ADAMTSL1: variants seen among roughly 807,000 people sequenced by gnomAD.
The protein encoded by ADAMTSL1 is ADAMTS-like protein 1.
Under a neutral mutation model 201.8 loss-of-function variants are expected in ADAMTSL1, and 126 were observed. The observed-to-expected ratio is 0.62, with a 90% CI of 0.54 to 0.72. The LOEUF is 0.72. ADAMTSL1 is among the 30% of genes least tolerant of loss of function. The pLI, the probability that ADAMTSL1 is intolerant of heterozygous loss-of-function variation, is 0.00. For missense variants in ADAMTSL1, 2,679 were observed against 2,277.8 expected (o/e 1.18, Z -3.59); for synonymous variants, 1,121 against 903.4 (o/e 1.24, Z -4.32).
chr9:18,904,660 AAAAAAAAAAAAAGGTCC>A lies in ADAMTSL1; in HGVS notation c.4852-1121_4852-1105del. Among the ~76,000 whole-genome samples the A allele has an allele frequency of 1.6e-5, 2 of 127,502 alleles. 1 individual carries two copies. The highest frequency in any genetic ancestry group is 7.3e-5 in the African/African-American group (2 of 27,310). 83.6% of individuals were successfully genotyped at this position (127,502 alleles called of 152,430 possible). A position where few individuals can be genotyped will look rare whatever the true frequency, so the allele number is the denominator to read the frequency against. On this transcript the variant is annotated intron_variant, in intron 26 of 28. Coordinates refer to ENST00000380548, the MANE Select transcript of ADAMTSL1 (RefSeq NM_001040272.6). Reference sequence around the variant, plus strand: ...AAAAAAAAAAAAAAAAAAAAAAAAAAAAAAAAAAAAAAGGTCCGTTTATGTGTATTTTACGATTTAAA... The same window carrying A: ...AAAAAAAAAAAAAAAAAAAAAAAAAAGTTTATGTGTATTTTACGATTTAAA...
chr9:18,584,579 A>G (rs971016127), intron 4 of ADAMTSL1, among the ~76,000 whole-genome samples: 1 of 152,092 alleles, frequency 6.6e-6, no homozygotes, highest in Non-Finnish European at 1.5e-5. Flanking sequence ...TTAAATGTTC[A>G]TCATCTCTTT....
At position 18,775,880 on chromosome 9, in the gene ADAMTSL1, G is replaced by T; in HGVS notation, c.2535G>T (p.Met845Ile). The T allele has an allele frequency of 6.3e-7, 1 of 1,597,352 alleles. No homozygotes were observed. The highest frequency in any genetic ancestry group is 2.3e-5 in the East Asian group (1 of 44,278). ...TCTCTTCCTCCATCAGGCCCTGTAT[G>T]CTGGCAACCTGTGCAAGTAAGTATG... ...LPFSSSIRPCMLATCARPGRP... is the reference protein window; with the variant it reads ...LPFSSSIRPCILATCARPGRP... Residue 845 changes from methionine (M) to isoleucine (I), a missense_variant, in exon 18 of 29, where the codon ATG becomes ATT. Transcript: ENST00000380548.
intron 2 of ADAMTSL1, among the ~76,000 whole-genome samples, chr9:18,180,337 T>G (rs1828400734): frequency 1.3e-5 from 2 of 151,858 alleles, no homozygotes; most frequent in South Asian, 4.2e-4. Flanking sequence ...ATCGAGACCA[T>G]CCCGGCTAAA....
At chr9:18,120,664 A>G (rs900232597) in intron 1 of ADAMTSL1, among the ~76,000 whole-genome samples, 8 of 152,240 alleles carry the variant, frequency 5.3e-5, no homozygotes, top group Non-Finnish European at 8.8e-5. Flanking sequence ...ACACAAAAAA[A>G]CACATATAAG....
chr9:18,267,626 T>C lies in ADAMTSL1; in HGVS notation c.207+103645T>C, dbSNP rs2132559926. ...AAACTGAAGAAAGAATAGACAGAAT[T>C]CTATTGATAAGTGTTCTAATTGTAA... On this transcript the variant is annotated intron_variant, in intron 2 of 29. Transcript: ENST00000680146. Among the ~76,000 whole-genome samples the C allele has an allele frequency of 2.6e-5, 4 of 152,208 alleles. No individual in the cohort carries two copies. In the East Asian group the frequency reaches 5.8e-4, roughly 22 times the overall value.
At chr9:18,903,493 T>C (rs1466701169) in intron 26 of ADAMTSL1, among the ~76,000 whole-genome samples, 1 of 152,180 alleles carries the variant, frequency 6.6e-6, no homozygotes, top group African/African-American at 2.4e-5. Flanking sequence ...GGCTCCTGAG[T>C]TGCTGACAGC....
chr9:17,916,974 G>C (rs62547831), intron 1 of ADAMTSL1, among the ~76,000 whole-genome samples: 34,588 of 151,926 alleles, frequency 0.23, 4,267 homozygotes, highest in East Asian at 0.36. Flanking sequence ...GTGTACAAGT[G>C]TTATATATTT....
chr9:18,680,601 C>A, intron 11 of ADAMTSL1, 85 bp downstream of exon 11: 1 of 1,435,848 alleles, frequency 7.0e-7, no homozygotes, highest in Middle Eastern at 1.7e-4. Flanking sequence ...GTACCCTGAG[C>A]AGCTCCACAC....
intron 2 of ADAMTSL1, among the ~76,000 whole-genome samples, chr9:18,275,234 A>C (rs142545220): frequency 5.3e-5 from 8 of 152,302 alleles, no homozygotes; most frequent in African/African-American, 1.7e-4. Flanking sequence ...TGAGGGTGAG[A>C]GAGAGCTTAT....
intron 7 of ADAMTSL1, among the ~76,000 whole-genome samples, chr9:18,641,768 G>C (rs1247394005): frequency 6.6e-6 from 1 of 151,810 alleles, no homozygotes; most frequent in African/African-American, 2.4e-5. Context: ...ATTTTCCTCA[G>C]AGAAATAGCT....
At chr9:17,949,598 A>T (rs978888320) in intron 1 of ADAMTSL1, among the ~76,000 whole-genome samples, 1 of 152,176 alleles carries the variant, frequency 6.6e-6, no homozygotes, top group African/African-American at 2.4e-5. Context: ...AAGCCAGACC[A>T]GCCTAGTTCT....
At chr9:17,963,560 G>A (rs1588486125) in intron 1 of ADAMTSL1, among the ~76,000 whole-genome samples, 1 of 152,246 alleles carries the variant, frequency 6.6e-6, no homozygotes, top group Non-Finnish European at 1.5e-5. Context: ...TGAGTTTTTG[G>A]GAAGTTTTAG....
chr9:18,033,313 C>A (rs1288021692), intron 1 of ADAMTSL1, among the ~76,000 whole-genome samples: 2 of 152,170 alleles, frequency 1.3e-5, no homozygotes, highest in Admixed American at 6.5e-5. Flanking sequence ...TTGAGTCACT[C>A]ATTCCACAGT....
In ADAMTSL1 at chr9:18,017,108, T is replaced by A. The variant is rs571234325; in HGVS notation, c.87+110186T>A. ...TGCAATGATTCCAGATAGATCAGAT[T>A]TTGCACAAAAGATTAAACCTATTTT... On this transcript the variant is annotated intron_variant, in intron 1 of 29. Coordinates refer to the ADAMTSL1 transcript ENST00000680146. Among the ~76,000 whole-genome samples, 15 of 152,120 alleles carry A rather than the reference T, an allele frequency of 9.9e-5. No individual in the cohort carries two copies. In the East Asian group the frequency reaches 2.3e-3, roughly 24 times the overall value.
chr9:18,904,780 T>G (rs572330741), intron 26 of ADAMTSL1, among the ~76,000 whole-genome samples: 101 of 148,504 alleles, frequency 6.8e-4, no homozygotes, highest in Non-Finnish European at 9.5e-4. Flanking sequence ...CATGTGTTTG[T>G]GAATAATAGT....
chr9:18,491,875 C>T (rs1283951366), intron 1 of ADAMTSL1, among the ~76,000 whole-genome samples: 1 of 151,904 alleles, frequency 6.6e-6, no homozygotes, highest in Non-Finnish European at 1.5e-5. Context: ...TATAGTGGCC[C>T]GATAAGGACA....
intron 23 of ADAMTSL1, among the ~76,000 whole-genome samples, chr9:18,854,858 A>G (rs796130806): frequency 1.6e-4 from 24 of 152,312 alleles, no homozygotes; most frequent in African/African-American, 5.5e-4. Context: ...TATTCTCAAA[A>G]TGCAATCTAA....
At chr9:18,099,351 ATATATTTTTTTTTTTT>A (rs1221156025) in intron 1 of ADAMTSL1, among the ~76,000 whole-genome samples, 6 of 52,624 alleles carry the variant, frequency 1.1e-4, no homozygotes, top group African/African-American at 4.8e-4. Context: ...ATATATATAT[ATATATTTTTTTTTTTT>A]TTTTTAACAT....
At chr9:18,209,305 AT>A (rs1345673595) in intron 2 of ADAMTSL1, among the ~76,000 whole-genome samples, 2 of 152,178 alleles carry the variant, frequency 1.3e-5, no homozygotes, top group Admixed American at 1.3e-4. Context: ...GCATTATGTC[AT>A]CATTAGAACC....
Sources: allele counts gnomAD v4.1 joint callset (sites outside exome capture counted in the v4.1 genomes callset), GRCh38; gene constraint gnomAD v4.1.1; transcripts MANE v1.5; gene names NCBI Gene and HGNC (gene_info 2026-07-23, HGNC 2026-07-21).